The following CARD8 variants were observed in gnomAD, a reference collection of about 807,000 sequenced individuals.
CARD8 encodes the protein caspase recruitment domain-containing protein 8.
A neutral mutation model predicts 53.2 loss-of-function variants in CARD8; 38 were observed. The ratio of observed to expected loss-of-function variants is 0.71; its 90% confidence interval spans 0.55 to 0.94. The LOEUF is 0.94. Among genes scored for constraint, CARD8 ranks in the 40% least tolerant of loss-of-function variants. The probability of loss-of-function intolerance (pLI) is 0.00; values close to 1 mark genes in which losing one functional copy is unlikely to be tolerated. For missense variants in CARD8, 561 were observed against 655.5 expected, an observed-to-expected ratio of 0.86 and a Z score of 1.57; for synonymous variants, 245 against 244.9, an observed-to-expected ratio of 1.00 and a Z score of 0.00.
Position 48,230,772 on chromosome 19 carries a change from A to G in CARD8, c.772+5T>C, listed in dbSNP as rs1001301549. 8.7e-6 allele frequency: 14 copies of G among 1,613,794 alleles called. No homozygotes were observed. Among genetic ancestry groups the G allele is most frequent in the Admixed American group, 1.7e-5 (1 of 60,002 alleles). On this transcript the variant is annotated splice_donor_5th_base_variant and intron_variant, in intron 9 of 13. Transcript: ENST00000651546. ...CCCCCACAGCCTCCGCTCACCCCACATTACCTTGGAGGGAGATGAAGTGGG... is the reference window on the plus strand; with the variant it reads ...CCCCCACAGCCTCCGCTCACCCCACGTTACCTTGGAGGGAGATGAAGTGGG...
chr19:48,226,222 A>G (rs899491060), intron 10 of CARD8, among the ~76,000 whole-genome samples: 1 of 151,908 alleles, frequency 6.6e-6, no homozygotes, highest in African/African-American at 2.4e-5. Context: ...TCTTTCCAAC[A>G]TTTATTTTAT....
chr19:48,213,716 T>C (rs1464919192), intron 13 of CARD8, among the ~76,000 whole-genome samples: 1 of 152,202 alleles, frequency 6.6e-6, no homozygotes, highest in African/African-American at 2.4e-5. Context: ...TTCTCTGCTA[T>C]ATACTAATTC....
intron 3 of CARD8, among the ~76,000 whole-genome samples, chr19:48,245,198 A>C (rs923538683): frequency 2.0e-5 from 3 of 152,168 alleles, no homozygotes; most frequent in African/African-American, 7.2e-5. Flanking sequence ...ATAAACCAGT[A>C]AGTTAGAGAA....
intron 7 of CARD8, chr19:48,232,100 C>G (rs2043012489): frequency 1.8e-6 from 1 of 549,206 alleles, no homozygotes; most frequent in African/African-American, 1.9e-5. Flanking sequence ...ACCAATGCAC[C>G]TACATTTCTA....
chr19:48,233,503 A>T lies in CARD8; in HGVS notation c.350+900T>A, dbSNP rs544770434. 1.7e-5 allele frequency: 7 copies of T among 419,658 alleles called. No individual in the cohort carries two copies. The East Asian group carries it at 5.1e-4, about 31-fold the overall frequency. The allele number at this position is 419,658 out of a possible 1,614,324, so 26.0% of individuals were successfully genotyped here. A position where few individuals can be genotyped will look rare whatever the true frequency, so the allele number is the denominator to read the frequency against. On this transcript the variant is annotated intron_variant, in intron 6 of 13. Coordinates refer to ENST00000651546, the MANE Select transcript of CARD8 (RefSeq NM_001184900.3). ...GAGAGACCCCTGGGCTGACATCCTA[A>T]GACTGGTTGCTGTCTGCGGCTACAC...
intron 10 of CARD8, 96 bp from the exon 11 acceptor site, chr19:48,221,951 T>C: frequency 1.1e-6 from 1 of 939,888 alleles, no homozygotes; most frequent in Non-Finnish European, 1.5e-6. Flanking sequence ...AAGTAGCACG[T>C]AGGCTATGAT....
chr19:48,229,356 T>G (rs1464756687), intron 10 of CARD8, among the ~76,000 whole-genome samples: 1 of 152,076 alleles, frequency 6.6e-6, no homozygotes, highest in African/African-American at 2.4e-5. Context: ...AAGTGAAGGA[T>G]AGGAAAAGGG....
rs1599984920 is a variant in CARD8 at position 48,208,907 on chromosome 19, C to T, written c.*2803G>A. On this transcript the variant is annotated 3_prime_UTR_variant, in exon 14 of 14. Transcript: ENST00000651546. Reference sequence around the variant, plus strand: ...GCTGAGGCAAGAGAATCGCTTGAGCCCGGGAGACAGAGGCTGCAGTGAGCT... The same window carrying T: ...GCTGAGGCAAGAGAATCGCTTGAGCTCGGGAGACAGAGGCTGCAGTGAGCT... 6.7e-6 allele frequency: 1 copy of T among 148,612 alleles called. No individual in the cohort carries two copies. The highest frequency in any genetic ancestry group is 2.0e-4 in the East Asian group (1 of 5,064). The allele number at this position is 148,612 out of a possible 1,614,324, so 9.2% of individuals were successfully genotyped here. A position where few individuals can be genotyped will look rare whatever the true frequency, so the allele number is the denominator to read the frequency against.
intron 3 of CARD8, among the ~76,000 whole-genome samples, chr19:48,242,028 A>G (rs2045230480): frequency 6.6e-6 from 1 of 152,274 alleles, no homozygotes; most frequent in Admixed American, 6.5e-5. Flanking sequence ...GCACCCACGC[A>G]TCCACCTTCT....
Position 48,218,202 on chromosome 19 carries a change from CTA to C in CARD8, c.1303+667_1303+668del, listed in dbSNP as rs567829869. 8.6e-5 allele frequency among the ~76,000 whole-genome samples: 13 copies of C among 150,454 alleles called. No homozygotes were observed. The South Asian group carries it at 2.5e-3, about 29-fold the overall frequency. ...GCAAGAACATTTTATTTTATTCAAA[CTA>C]TTTTTTTTAATTTAATTTAAGTTCT... is the stretch of plus-strand genomic sequence containing the variant. On this transcript the variant is annotated intron_variant, in intron 12 of 13. Transcript: ENST00000651546.
chr19:48,237,016 T>C (rs2146478508), intron 5 of CARD8, among the ~76,000 whole-genome samples: 1 of 152,178 alleles, frequency 6.6e-6, no homozygotes, highest in Non-Finnish European at 1.5e-5. Flanking sequence ...CATCAGGTGG[T>C]CCGCCCCTCT....
At chr19:48,231,952 C>T (rs1229740081) in intron 7 of CARD8, 142 bp from the exon 8 acceptor site, 5 of 751,812 alleles carry the variant, frequency 6.7e-6, no homozygotes, top group Admixed American at 4.0e-5. Flanking sequence ...TATGCAGTTT[C>T]GCTTCTTTGA....
chr19:48,231,451 G>C (rs1157567638), intron 8 of CARD8, among the ~76,000 whole-genome samples: 2 of 151,996 alleles, frequency 1.3e-5, no homozygotes, highest in Non-Finnish European at 2.9e-5. Flanking sequence ...ACTACACGCG[G>C]GTGCCACCAC....
chr19:48,214,769 CT>C (rs531199248), intron 13 of CARD8, among the ~76,000 whole-genome samples: 9 of 89,564 alleles, frequency 1.0e-4, no homozygotes, highest in South Asian at 4.1e-4. Flanking sequence ...TGCTATAAAG[CT>C]TTTTTTTTTT....
At chr19:48,236,631 G>C (rs979626327) in intron 5 of CARD8, among the ~76,000 whole-genome samples, 1 of 152,210 alleles carries the variant, frequency 6.6e-6, no homozygotes, top group Non-Finnish European at 1.5e-5. Flanking sequence ...AAGCAAGACT[G>C]AGGAATTCCT....
Position 48,211,766 on chromosome 19 carries a change from T to G in CARD8, c.1558A>C (p.Ser520Arg). Residue 520 changes from serine to arginine, a missense_variant, in exon 14 of 14, where the codon AGC becomes CGC. By Grantham distance (110) the Ser-to-Arg change is moderately radical (BLOSUM62 -1). Coordinates refer to ENST00000651546, the MANE Select transcript of CARD8 (RefSeq NM_001184900.3). The part of the protein sequence containing the change: ...GDLALDVLFR[S>R]ISERDPYLVS... ...AGGTAAGGGTCCCTTTCACTAATGC[T>G]TCTGAAGAGCACGTCCAGGGCCAGG... 1 of 1,614,220 alleles carries G rather than the reference T, an allele frequency of 6.2e-7. No individual in the cohort carries two copies. The highest frequency in any genetic ancestry group is 8.5e-7 in the Non-Finnish European group (1 of 1,180,040).
chr19:48,241,060 T>C lies in CARD8; in HGVS notation c.-40A>G. The C allele has an allele frequency of 6.8e-7, 1 of 1,476,084 alleles. No individual in the cohort carries two copies. Among genetic ancestry groups the C allele is most frequent in the Non-Finnish European group, 9.1e-7 (1 of 1,093,316 alleles). 91.4% of individuals were successfully genotyped at this position (1,476,084 alleles called of 1,614,324 possible). ...ATTTATGTCTTTACTGTATCTTTTT[T>C]ACCCTGAAAAAATAAAAGGAGGTTG... is the stretch of plus-strand genomic sequence containing the variant. On this transcript the variant is annotated 5_prime_UTR_variant, in exon 4 of 14. Transcript: ENST00000651546.
intron 10 of CARD8, among the ~76,000 whole-genome samples, chr19:48,227,763 A>G (rs2042073148): frequency 1.3e-5 from 2 of 151,016 alleles, no homozygotes; most frequent in African/African-American, 2.4e-5. Flanking sequence ...AGATCACACC[A>G]CTGCACTCCA....
chr19:48,204,777 G>A (rs568839226), downstream of CARD8, among the ~76,000 whole-genome samples: 11 of 152,168 alleles, frequency 7.2e-5, no homozygotes, highest in South Asian at 1.7e-3. Context: ...AGGGAATTGA[G>A]GTATTATATA....
Sources: allele counts gnomAD v4.1 joint callset (sites outside exome capture counted in the v4.1 genomes callset), GRCh38; gene constraint gnomAD v4.1.1; transcripts MANE v1.5; gene names NCBI Gene and HGNC (gene_info 2026-07-23, HGNC 2026-07-21).